Variants in CAV2 observed in about 807,000 individuals in gnomAD.
The protein encoded by CAV2 is caveolin-2.
A neutral mutation model predicts 15.5 loss-of-function variants in CAV2; 7 were observed. That is an observed-to-expected ratio of 0.45 (90% CI 0.26 to 0.85). The LOEUF is 0.85. Among genes scored for constraint, CAV2 ranks in the 40% least tolerant of loss-of-function variants. The pLI is 0.18. For missense variants in CAV2, 229 were observed against 208.8 expected (o/e 1.10, Z -0.60); for synonymous variants, 76 against 83.1 (o/e 0.91, Z 0.46).
rs771981557 is a variant in CAV2, at chr7:116,500,290, G to C, written c.181G>C (p.Val61Leu). The C allele has an allele frequency of 3.1e-6, 5 of 1,614,134 alleles. No individual in the cohort carries two copies. The highest frequency in any genetic ancestry group is 4.2e-6 in the Non-Finnish European group (5 of 1,180,044). The change falls in exon 2 of 3, where the codon GTG becomes CTG. Residue 61 changes from valine (V) to leucine (L), a missense_variant. Coordinates refer to ENST00000222693, the MANE Select transcript of CAV2 (RefSeq NM_001233.5). ...LGFEDVIAEP[V>L]TTHSFDKVWI... ...CTTCGAGGATGTGATCGCAGAGCCG[G>C]TGACTACGCACTCCTTTGACAAAGT...
In CAV2 at chr7:116,507,928, A is replaced by G. The variant is rs1198854960; in HGVS notation, c.*1807A>G. The G allele has an allele frequency of 6.6e-6, 1 of 152,208 alleles. No homozygotes were observed. Among genetic ancestry groups the G allele is most frequent in the Non-Finnish European group, 1.5e-5 (1 of 68,030 alleles). 9.4% of individuals were successfully genotyped at this position (152,208 alleles called of 1,614,324 possible). The stretch of plus-strand genomic sequence containing the variant: ...ACTGGTGAATATAAATGATGATTGA[A>G]CTGGAATAATATTGGGGACCAAATC... On this transcript the variant is annotated 3_prime_UTR_variant, in exon 3 of 3. Transcript: ENST00000222693.
At chr7:116,504,315 T>C (rs7796429) in intron 2 of CAV2, among the ~76,000 whole-genome samples, 10,887 of 152,210 alleles carry the variant, frequency 0.072, 609 homozygotes, top group East Asian at 0.16. Flanking sequence ...TGTAGCAACA[T>C]GCCCAAGACC....
rs1386819309 is a variant in CAV2, at chr7:116,507,841, A to G, written c.*1720A>G. 6.6e-6 allele frequency: 1 copy of G among 152,240 alleles called. No individual in the cohort carries two copies. Among genetic ancestry groups the G allele is most frequent in the Non-Finnish European group, 1.5e-5 (1 of 68,040 alleles). The allele number at this position is 152,240 out of a possible 1,614,324, so 9.4% of individuals were successfully genotyped here. A position where few individuals can be genotyped will look rare whatever the true frequency, so the allele number is the denominator to read the frequency against. ...AATTACCATCAGAACCTCAATTGAC[A>G]TTCCTTTGAATACGCTAATAAGTGA... On this transcript the variant is annotated 3_prime_UTR_variant, in exon 3 of 3. Coordinates refer to ENST00000222693, the MANE Select transcript of CAV2 (RefSeq NM_001233.5).
chr7:116,500,833 C>G (rs946794714), intron 2 of CAV2: 3 of 181,076 alleles, frequency 1.7e-5, no homozygotes, highest in Admixed American at 5.6e-5. Flanking sequence ...TATTCAGTCA[C>G]TGCCTGTGCT....
At chr7:116,505,906 T>A in intron 2 of CAV2, 65 bp from the exon 3 acceptor site, 2 of 1,081,384 alleles carry the variant, frequency 1.8e-6, no homozygotes, top group Non-Finnish European at 2.7e-6. Context: ...TTTTCATACA[T>A]GTACAAGACA....
chr7:116,505,207 A>G (rs1563086477), intron 2 of CAV2, among the ~76,000 whole-genome samples: 1 of 152,250 alleles, frequency 6.6e-6, no homozygotes, highest in Non-Finnish European at 1.5e-5. Context: ...AGGAAAGGCT[A>G]TCAGGAAGTA....
chr7:116,502,852 T>C (rs1233126562), intron 2 of CAV2, among the ~76,000 whole-genome samples: 2 of 152,182 alleles, frequency 1.3e-5, no homozygotes, highest in African/African-American at 4.8e-5. Flanking sequence ...CATACTACAG[T>C]CAGACAGAGA....
intron 2 of CAV2, among the ~76,000 whole-genome samples, chr7:116,503,946 G>GGAGGGAGGGAGGGAGTGAGA (rs1793167543): frequency 9.6e-6 from 1 of 104,126 alleles, no homozygotes; most frequent in Non-Finnish European, 2.1e-5. Flanking sequence ...AGGGAGGGAG[G>GGAGGGAGGGAGGGAGTGAGA]AAGACAGAAA....
At chr7:116,499,989 C>T (rs1793053182) in intron 1 of CAV2, 58 bp downstream of exon 1, 1 of 1,581,172 alleles carries the variant, frequency 6.3e-7, no homozygotes, top group Non-Finnish European at 8.6e-7. Context: ...TGCGGGCGCC[C>T]CTCAGCCCCG....
chr7:116,506,258 A>G lies in CAV2; in HGVS notation c.*137A>G. 1.3e-6 allele frequency: 1 copy of G among 783,148 alleles called. No individual in the cohort carries two copies. The highest frequency in any genetic ancestry group is 2.7e-5 in the Admixed American group (1 of 37,036). The allele number at this position is 783,148 out of a possible 1,614,324, so 48.5% of individuals were successfully genotyped here. On this transcript the variant is annotated 3_prime_UTR_variant, in exon 3 of 3. Transcript: ENST00000222693. ...TTAAGATGAGCAACCACATTTAGAAATGTTTATTGACAGGTCTTTTCAAAT... is the reference window on the plus strand; with the variant it reads ...TTAAGATGAGCAACCACATTTAGAAGTGTTTATTGACAGGTCTTTTCAAAT...
intron 2 of CAV2, chr7:116,500,705 G>T: frequency 2.2e-6 from 1 of 447,734 alleles, no homozygotes; most frequent in Non-Finnish European, 4.0e-6. Context: ...ATAAGGCTGG[G>T]CTGAGTGTGG....
intron 1 of CAV2, 125 bp from the exon 2 acceptor site, chr7:116,500,135 C>T: frequency 1.3e-6 from 2 of 1,496,018 alleles, no homozygotes; most frequent in Non-Finnish European, 1.8e-6. Context: ...CCCACCGTGA[C>T]CCTAAGAGAA....
At chr7:116,500,136 C>G (rs1385982392) in intron 1 of CAV2, 124 bp from the exon 2 acceptor site, 6 of 1,497,188 alleles carry the variant, frequency 4.0e-6, no homozygotes, top group Non-Finnish European at 5.3e-6. Context: ...CCACCGTGAC[C>G]CTAAGAGAAG....
chr7:116,500,311 A>G lies in CAV2; in HGVS notation c.202A>G (p.Lys68Glu). ...AEPVTTHSFD[K>E]VWICSHALFE... ...GCCGGTGACTACGCACTCCTTTGAC[A>G]AAGTGTGGATCTGCAGCCATGCCCT... The change falls in exon 2 of 3, where the codon AAA (lysine) becomes GAA (glutamate). Residue 68 changes from lysine (K) to glutamate (E), a missense_variant. Coordinates refer to ENST00000222693, the MANE Select transcript of CAV2 (RefSeq NM_001233.5). 1 of 1,614,214 alleles carries G rather than the reference A, an allele frequency of 6.2e-7. No individual in the cohort carries two copies. Among genetic ancestry groups the G allele is most frequent in the Non-Finnish European group, 8.5e-7 (1 of 1,180,024 alleles).
chr7:116,501,025 A>G (rs1368690471), intron 2 of CAV2: 2 of 152,246 alleles, frequency 1.3e-5, no homozygotes, highest in African/African-American at 4.8e-5. Flanking sequence ...CCCCCCCAGT[A>G]CAAACGAATG....
At chr7:116,505,171 G>A (rs117389480) in intron 2 of CAV2, among the ~76,000 whole-genome samples, 15 of 152,292 alleles carry the variant, frequency 9.8e-5, no homozygotes, top group Non-Finnish European at 7.4e-5. Context: ...GCCTGGTCCA[G>A]GAAAAGGGAA....
chr7:116,502,700 G>C (rs138337975), intron 2 of CAV2, among the ~76,000 whole-genome samples: 2 of 152,226 alleles, frequency 1.3e-5, no homozygotes, highest in Non-Finnish European at 2.9e-5. Flanking sequence ...GTGGAACTTT[G>C]AACCATGTCA....
chr7:116,500,695 A>G (rs781338776), intron 2 of CAV2: 8 of 486,954 alleles, frequency 1.6e-5, no homozygotes, highest in Admixed American at 3.7e-5. Context: ...CCTTGCATAC[A>G]TAAGGCTGGG....
At chr7:116,503,527 T>C (rs1177865359) in intron 2 of CAV2, among the ~76,000 whole-genome samples, 1 of 152,084 alleles carries the variant, frequency 6.6e-6, no homozygotes, top group Non-Finnish European at 1.5e-5. Flanking sequence ...TAAGGAAGAA[T>C]AGAAAGTACA....
Sources: allele counts gnomAD v4.1 joint callset (sites outside exome capture counted in the v4.1 genomes callset), GRCh38; gene constraint gnomAD v4.1.1; transcripts MANE v1.5; gene names NCBI Gene and HGNC (gene_info 2026-07-23, HGNC 2026-07-21).